Variants in XRCC4 observed in about 807,000 individuals in gnomAD.
The protein encoded by XRCC4 is DNA repair protein XRCC4.
In XRCC4, 28 loss-of-function variants were observed where a neutral mutation model predicts 39.1. The observed-to-expected ratio is 0.72, with a 90% CI of 0.53 to 0.98. XRCC4 has a LOEUF of 0.98. Among genes scored for constraint, XRCC4 ranks in the 50% least tolerant of loss-of-function variants. The probability of loss-of-function intolerance (pLI) is 0.00; values close to 1 mark genes in which losing one functional copy is unlikely to be tolerated. For missense variants in XRCC4, 350 were observed against 376.4 expected (o/e 0.93, Z 0.58); for synonymous variants, 123 against 126.4 (o/e 0.97, Z 0.18).
intron 3 of XRCC4, among the ~76,000 whole-genome samples, chr5:83,184,196 ATATTT>A (rs1232276038): frequency 6.6e-6 from 1 of 152,118 alleles, no homozygotes; most frequent in East Asian, 1.9e-4. Flanking sequence ...CTAAAATTTG[ATATTT>A]TATTTCAATT....
intron 7 of XRCC4, among the ~76,000 whole-genome samples, chr5:83,292,227 C>T (rs1449053772): frequency 1.3e-5 from 2 of 151,810 alleles, no homozygotes; most frequent in African/African-American, 2.4e-5. Context: ...CTAAGATTCA[C>T]GGTGCACATT....
At chr5:83,301,242 T>C (rs891496881) in intron 7 of XRCC4, among the ~76,000 whole-genome samples, 1 of 152,236 alleles carries the variant, frequency 6.6e-6, no homozygotes, top group African/African-American at 2.4e-5. Context: ...CCAGCATCTG[T>C]TGTTTCCTGA....
intron 7 of XRCC4, among the ~76,000 whole-genome samples, chr5:83,276,567 C>T (rs1754343629): frequency 6.7e-6 from 1 of 149,264 alleles, no homozygotes; most frequent in African/African-American, 2.4e-5. Context: ...CATGTGATGC[C>T]CTGAACAATC....
At chr5:83,274,694 C>T (rs1409595232) in intron 7 of XRCC4, among the ~76,000 whole-genome samples, 1 of 152,014 alleles carries the variant, frequency 6.6e-6, no homozygotes, top group African/African-American at 2.4e-5. Context: ...AGACATCCTG[C>T]AAAGATTGAA....
intron 1 of XRCC4, among the ~76,000 whole-genome samples, chr5:83,081,226 T>C (rs529518034): frequency 3.3e-5 from 5 of 152,236 alleles, no homozygotes; most frequent in Admixed American, 3.3e-4. Context: ...CTTTTTACTT[T>C]GTTGCTAGTG....
chr5:83,198,981 GT>G (rs760562454), intron 4 of XRCC4, among the ~76,000 whole-genome samples: 15 of 152,078 alleles, frequency 9.9e-5, no homozygotes, highest in Non-Finnish European at 2.1e-4. Context: ...CTGAATAGGT[GT>G]TTTGTTTGCA....
At chr5:83,285,683 A>G (rs1003013813) in intron 7 of XRCC4, among the ~76,000 whole-genome samples, 2 of 152,182 alleles carry the variant, frequency 1.3e-5, no homozygotes, top group East Asian at 1.9e-4. Context: ...ATATTGTGCA[A>G]CTAATTAATA....
intron 3 of XRCC4, among the ~76,000 whole-genome samples, chr5:83,178,239 A>G (rs1156585821): frequency 9.9e-5 from 15 of 152,184 alleles, no homozygotes. Context: ...ACCTTTTGCG[A>G]CATTCAATTG....
At chr5:83,368,749 T>C in the XRCC4 span, among the ~76,000 whole-genome samples, 1 of 152,200 alleles carries the variant, frequency 6.6e-6, no homozygotes, top group African/African-American at 2.4e-5. Flanking sequence ...ACCCTTACGA[T>C]ATACTAAATA....
intron 7 of XRCC4, among the ~76,000 whole-genome samples, chr5:83,350,073 T>C (rs1259930448): frequency 6.6e-6 from 1 of 152,190 alleles, no homozygotes; most frequent in Admixed American, 6.5e-5. Context: ...TGCATCCATG[T>C]TGCTGCAAAG....
At position 83,276,482 on chromosome 5, in the gene XRCC4, G is replaced by A. The variant is rs28969554; in HGVS notation, c.893+17805G>A. Among the ~76,000 whole-genome samples the A allele has an allele frequency of 3.4e-3, 436 of 126,692 alleles. 13 individuals carry two copies. In the East Asian group the frequency reaches 0.2, roughly 58 times the overall value. The allele number at this position is 126,692 out of a possible 152,430, so 83.1% of individuals were successfully genotyped here. A position where few individuals can be genotyped will look rare whatever the true frequency, so the allele number is the denominator to read the frequency against. On this transcript the variant is annotated intron_variant, in intron 7 of 7. Coordinates refer to ENST00000396027, the MANE Select transcript of XRCC4 (RefSeq NM_003401.5). ...TTAATGCATTAATGGGTTATCATGGGAATGAGGCTGATGGCTTTATATGAA... is the reference window on the plus strand; with the variant it reads ...TTAATGCATTAATGGGTTATCATGGAAATGAGGCTGATGGCTTTATATGAA...
At chr5:83,240,504 A>T (rs1338243016) in intron 6 of XRCC4, among the ~76,000 whole-genome samples, 1 of 152,198 alleles carries the variant, frequency 6.6e-6, no homozygotes, top group South Asian at 2.1e-4. Context: ...AATTATTACA[A>T]TTGGAGGCAT....
At chr5:83,284,364 G>A (rs42865) in intron 7 of XRCC4, among the ~76,000 whole-genome samples, 152,193 of 152,202 alleles carry the variant, frequency 1, 76,092 homozygotes, top group Middle Eastern at 1. Flanking sequence ...GTTTTAATTT[G>A]CTTAAAATGT....
chr5:83,368,803 C>G, the XRCC4 span, among the ~76,000 whole-genome samples: 1 of 152,186 alleles, frequency 6.6e-6, no homozygotes, highest in Admixed American at 6.5e-5. Flanking sequence ...GAGAAATACA[C>G]TCCATTAATG....
intron 6 of XRCC4, among the ~76,000 whole-genome samples, chr5:83,214,275 A>T (rs1458106825): frequency 6.6e-6 from 1 of 152,190 alleles, no homozygotes. Context: ...CTTTTTGCAG[A>T]TGATATGATC....
rs77371846 is a variant in XRCC4 at position 83,305,781 on chromosome 5, C to T, written c.893+47104C>T. 4.9e-3 allele frequency among the ~76,000 whole-genome samples: 745 copies of T among 152,258 alleles called. 4 individuals carry two copies. The highest frequency in any genetic ancestry group is 6.7e-3 in the Non-Finnish European group (455 of 67,990). ...CTCTTCTTGATGTTTTACTCTCTGACTGTAGCTAGAGCTTAATTATACAAA... is the reference window on the plus strand; with the variant it reads ...CTCTTCTTGATGTTTTACTCTCTGATTGTAGCTAGAGCTTAATTATACAAA... On this transcript the variant is annotated intron_variant, in intron 7 of 7. Coordinates refer to ENST00000396027, the MANE Select transcript of XRCC4 (RefSeq NM_003401.5).
At chr5:83,174,370 T>A (rs1749859925) in intron 3 of XRCC4, among the ~76,000 whole-genome samples, 1 of 152,184 alleles carries the variant, frequency 6.6e-6, no homozygotes, top group South Asian at 2.1e-4. Context: ...TTGTATCTGA[T>A]ACTGTTTCTC....
At position 83,353,305 on chromosome 5, in the gene XRCC4, A is replaced by G; in HGVS notation, c.*63A>G. 7.5e-7 allele frequency: 1 copy of G among 1,327,962 alleles called. No homozygotes were observed. Among genetic ancestry groups the G allele is most frequent in the Non-Finnish European group, 1.0e-6 (1 of 962,696 alleles). The allele number at this position is 1,327,962 out of a possible 1,614,324, so 82.3% of individuals were successfully genotyped here. ...TTTTCTATTCATTTCTTTAAAATGA[A>G]AAAGGAGAATTTCAAGTCAGCAGCC... On this transcript the variant is annotated 3_prime_UTR_variant, in exon 8 of 8. Coordinates refer to ENST00000396027, the MANE Select transcript of XRCC4 (RefSeq NM_003401.5).
rs143400351 is a variant in XRCC4, at chr5:83,234,995, ATAT to A, written c.746-23524_746-23522del. On this transcript the variant is annotated intron_variant, in intron 6 of 7. Coordinates refer to ENST00000396027, the MANE Select transcript of XRCC4 (RefSeq NM_003401.5). ...TTAAACATTAGCTTTTATCGCATTA[ATAT>A]TATTATTATTTTTATTGATAGTGGC... Among the ~76,000 whole-genome samples the A allele has an allele frequency of 3.0e-3, 448 of 151,662 alleles. 11 individuals carry two copies. The East Asian group carries it at 0.072, about 24-fold the overall frequency.
Sources: gnomAD v4.1 joint callset for allele counts (sites outside exome capture counted in the v4.1 genomes callset) on GRCh38, gnomAD v4.1.1 for gene constraint, MANE v1.5 for transcripts, NCBI Gene and HGNC (gene_info 2026-07-23, HGNC 2026-07-21) for gene names.